ZNF804B: variants seen among roughly 807,000 people sequenced by gnomAD.
ZNF804B encodes zinc finger protein 804B.
A neutral mutation model predicts 101.4 loss-of-function variants in ZNF804B; 80 were observed. The ratio of observed to expected loss-of-function variants is 0.79; its 90% CI spans 0.66 to 0.95. The LOEUF is 0.95. ZNF804B is among the 40% of genes least tolerant of loss of function. The probability of loss-of-function intolerance (pLI) is 0.00; values close to 1 mark genes in which losing one functional copy is unlikely to be tolerated. For synonymous variants in ZNF804B, 622 were observed against 558.8 expected (o/e 1.11, Z -1.59); for missense variants, 1,673 against 1,561.9 (o/e 1.07, Z -1.20).
intron 1 of ZNF804B, among the ~76,000 whole-genome samples, chr7:88,908,481 C>T (rs1341836124): frequency 1.3e-5 from 2 of 151,668 alleles, no homozygotes; most frequent in Middle Eastern, 3.2e-3. Context: ...TATGAATAAA[C>T]GTTGTTGAGA....
intron 1 of ZNF804B, among the ~76,000 whole-genome samples, chr7:89,004,301 C>A (rs1788338526): frequency 6.6e-6 from 1 of 151,484 alleles, no homozygotes; most frequent in Non-Finnish European, 1.5e-5. Context: ...CTGACTTTGG[C>A]TATATCTTTT....
chr7:89,168,038 T>G lies in ZNF804B; in HGVS notation c.109-50117T>G, dbSNP rs200392132. Among the ~76,000 whole-genome samples the G allele has an allele frequency of 3.9e-3, 591 of 152,206 alleles. 5 individuals are homozygous for G. The highest frequency in any genetic ancestry group is 0.013 in the African/African-American group (557 of 41,562). The stretch of plus-strand genomic sequence containing the variant: ...AGTACCAATAATATATATTTAAGCT[T>G]GTTTCTATTCAATGAAATGATTAGG... On this transcript the variant is annotated intron_variant, in intron 1 of 3. Transcript: ENST00000333190.
At chr7:88,780,386 C>CTTTTTTTTTTT (rs34619990) in intron 1 of ZNF804B, among the ~76,000 whole-genome samples, 12 of 111,190 alleles carry the variant, frequency 1.1e-4, no homozygotes, top group East Asian at 2.7e-4. Flanking sequence ...ACTTTTTTGT[C>CTTTTTTTTTTT]TTTTTTTTTT....
chr7:89,002,635 A>T (rs1179012991), intron 1 of ZNF804B, among the ~76,000 whole-genome samples: 1 of 151,842 alleles, frequency 6.6e-6, no homozygotes, highest in Non-Finnish European at 1.5e-5. Flanking sequence ...CTATCATGTT[A>T]TTTACCTCTA....
intron 1 of ZNF804B, among the ~76,000 whole-genome samples, chr7:88,846,794 G>C (rs868636556): frequency 7.9e-5 from 12 of 151,786 alleles, no homozygotes; most frequent in African/African-American, 2.9e-4. Context: ...GTATATATGT[G>C]TGTATATATG....
At chr7:89,136,652 C>A (rs1336777868) in intron 1 of ZNF804B, among the ~76,000 whole-genome samples, 1 of 151,918 alleles carries the variant, frequency 6.6e-6, no homozygotes, top group Non-Finnish European at 1.5e-5. Flanking sequence ...TTTCACTTAG[C>A]ATAATGTTTT....
chr7:88,916,437 T>C (rs1407955504), intron 1 of ZNF804B, among the ~76,000 whole-genome samples: 1 of 152,148 alleles, frequency 6.6e-6, no homozygotes, highest in Non-Finnish European at 1.5e-5. Context: ...TCTGAGGTTC[T>C]AACTGACCAT....
intron 2 of ZNF804B, 41 bp from the exon 3 acceptor site, chr7:89,327,303 A>C: frequency 6.5e-7 from 1 of 1,537,006 alleles, no homozygotes. Flanking sequence ...AGAATATATT[A>C]TTTATTTATA....
At chr7:89,014,990 A>C (rs1365981504) in intron 1 of ZNF804B, among the ~76,000 whole-genome samples, 1 of 152,186 alleles carries the variant, frequency 6.6e-6, no homozygotes, top group Non-Finnish European at 1.5e-5. Context: ...GGGGATTTAC[A>C]TTTAGATCTT....
chr7:88,947,457 T>C (rs571179807), intron 1 of ZNF804B, among the ~76,000 whole-genome samples: 25 of 150,942 alleles, frequency 1.7e-4, no homozygotes, highest in African/African-American at 5.4e-4. Context: ...TAAGTGGGAG[T>C]TGAACAATGA....
chr7:89,047,994 G>C (rs1223813778), intron 1 of ZNF804B, among the ~76,000 whole-genome samples: 1 of 151,810 alleles, frequency 6.6e-6, no homozygotes, highest in African/African-American at 2.4e-5. Context: ...GGAACAGGTG[G>C]TGTTTTCTTA....
intron 1 of ZNF804B, among the ~76,000 whole-genome samples, chr7:88,962,579 G>A (rs1048036061): frequency 1.3e-5 from 2 of 150,254 alleles, no homozygotes; most frequent in Non-Finnish European, 3.0e-5. Context: ...CTAAGAATTG[G>A]GGTCTAAGAA....
intron 1 of ZNF804B, among the ~76,000 whole-genome samples, chr7:89,154,809 C>T (rs1790932368): frequency 6.6e-6 from 1 of 151,918 alleles, no homozygotes; most frequent in Non-Finnish European, 1.5e-5. Flanking sequence ...TATTTGATAG[C>T]ACATCAGAGT....
intron 2 of ZNF804B, among the ~76,000 whole-genome samples, chr7:89,252,924 C>A (rs144060073): frequency 6.6e-6 from 1 of 152,232 alleles, no homozygotes; most frequent in East Asian, 1.9e-4. Context: ...GGTTACTATG[C>A]TCAGTAACTG....
intron 1 of ZNF804B, among the ~76,000 whole-genome samples, chr7:89,129,504 CTCTCT>C (rs1257163769): frequency 6.6e-6 from 1 of 151,958 alleles, no homozygotes; most frequent in Non-Finnish European, 1.5e-5. Flanking sequence ...AAATGGGCTC[CTCTCT>C]TTCTAGCTGG....
intron 1 of ZNF804B, among the ~76,000 whole-genome samples, chr7:88,831,545 T>A (rs1322985567): frequency 6.6e-6 from 1 of 151,886 alleles, no homozygotes; most frequent in Non-Finnish European, 1.5e-5. Flanking sequence ...TTTTTAAAGC[T>A]TTTGTCACGT....
At chr7:89,227,184 A>C (rs540896118) in intron 2 of ZNF804B, among the ~76,000 whole-genome samples, 1 of 152,340 alleles carries the variant, frequency 6.6e-6, no homozygotes, top group African/African-American at 2.4e-5. Flanking sequence ...TTCCTAACAA[A>C]GGATACATAT....
intron 2 of ZNF804B, among the ~76,000 whole-genome samples, chr7:89,279,038 T>C (rs1790035485): frequency 6.6e-6 from 1 of 152,178 alleles, no homozygotes; most frequent in African/African-American, 2.4e-5. Context: ...GAGCAGTGGT[T>C]TGTAGTTCTC....
At chr7:88,809,492 A>G (rs1188477221) in intron 1 of ZNF804B, among the ~76,000 whole-genome samples, 1 of 152,184 alleles carries the variant, frequency 6.6e-6, no homozygotes, top group African/African-American at 2.4e-5. Flanking sequence ...TTGTCTTTAA[A>G]GGAAGGATTT....
Sources: allele counts gnomAD v4.1 joint callset (sites outside exome capture counted in the v4.1 genomes callset), GRCh38; gene constraint gnomAD v4.1.1; transcripts MANE v1.5; gene names NCBI Gene and HGNC (gene_info 2026-07-23, HGNC 2026-07-21).